The following ARHGAP42 variants were observed in gnomAD, a reference collection of about 807,000 sequenced individuals.
The protein encoded by ARHGAP42 is Rho GTPase activating protein 42.
A neutral mutation model predicts 125.0 loss-of-function variants in ARHGAP42; 63 were observed. That is an observed-to-expected ratio of 0.50 (90% CI 0.41 to 0.62). The LOEUF is 0.62. Among genes scored for constraint, ARHGAP42 ranks in the 20% least tolerant of loss-of-function variants. The probability of loss-of-function intolerance (pLI) is 0.00; values close to 1 mark genes in which losing one functional copy is unlikely to be tolerated. For missense variants in ARHGAP42, 766 were observed against 1,024.2 expected (o/e 0.75, Z 3.44); for synonymous variants, 339 against 351.0 (o/e 0.97, Z 0.38).
At chr11:100,698,831 G>A (rs558479811) in intron 1 of ARHGAP42, among the ~76,000 whole-genome samples, 36 of 152,216 alleles carry the variant, frequency 2.4e-4, no homozygotes, top group African/African-American at 8.7e-4. Context: ...CGGGAGATTT[G>A]GGAAAGCTGT....
intron 1 of ARHGAP42, among the ~76,000 whole-genome samples, chr11:100,699,714 G>C (rs1287990503): frequency 1.3e-5 from 2 of 151,152 alleles, no homozygotes; most frequent in Non-Finnish European, 2.9e-5. Context: ...GTACATATGG[G>C]GTTTCACCAT....
At chr11:100,965,899 T>G in intron 17 of ARHGAP42, 123 bp downstream of exon 17, 1 of 882,120 alleles carries the variant, frequency 1.1e-6, no homozygotes, top group South Asian at 1.8e-5. Context: ...TTGAATTTGC[T>G]TAAAAAATAG....
intron 1 of ARHGAP42, among the ~76,000 whole-genome samples, chr11:100,697,859 C>A (rs182994776): frequency 6.6e-6 from 1 of 152,108 alleles, no homozygotes; most frequent in Non-Finnish European, 1.5e-5. Flanking sequence ...AAGATAGGGG[C>A]CAAACGGTGG....
At chr11:100,828,719 GCT>G (rs200856471) in intron 3 of ARHGAP42, among the ~76,000 whole-genome samples, 3,778 of 148,300 alleles carry the variant, frequency 0.025, 73 homozygotes, top group Non-Finnish European at 0.039. Flanking sequence ...ACAGGGTCTT[GCT>G]CTCTCACCCA....
intron 22 of ARHGAP42, among the ~76,000 whole-genome samples, chr11:100,980,636 T>G (rs1394340619): frequency 7.2e-6 from 1 of 139,038 alleles, no homozygotes; most frequent in East Asian, 2.4e-4. Flanking sequence ...AGTGGTGCGA[T>G]CTTGGCTCAC....
chr11:100,927,035 T>C (rs1391784554), intron 6 of ARHGAP42, among the ~76,000 whole-genome samples: 1 of 152,202 alleles, frequency 6.6e-6, no homozygotes, highest in African/African-American at 2.4e-5. Context: ...AATATAGTGC[T>C]TTTGATGCTC....
intron 3 of ARHGAP42, among the ~76,000 whole-genome samples, chr11:100,818,215 C>A (rs1864315185): frequency 6.6e-6 from 1 of 151,960 alleles, no homozygotes; most frequent in African/African-American, 2.4e-5. Context: ...TTTGCCTGGA[C>A]CAGCATGTAT....
chr11:100,961,184 T>A (rs1309836206), intron 14 of ARHGAP42, among the ~76,000 whole-genome samples, 195 bp downstream of exon 14: 3 of 151,988 alleles, frequency 2.0e-5, no homozygotes, highest in African/African-American at 7.2e-5. Context: ...TAATACTGTA[T>A]TTTTTTTCCC....
chr11:100,830,498 G>A (rs1231110027), intron 3 of ARHGAP42, among the ~76,000 whole-genome samples: 2 of 152,138 alleles, frequency 1.3e-5, no homozygotes, highest in Non-Finnish European at 2.9e-5. Flanking sequence ...CCTCGCCTGA[G>A]TGCTTGTTAG....
At chr11:100,966,327 G>A (rs886396946) in intron 17 of ARHGAP42, among the ~76,000 whole-genome samples, 1 of 152,084 alleles carries the variant, frequency 6.6e-6, no homozygotes, top group African/African-American at 2.4e-5. Context: ...TAGTGTGTGT[G>A]TACATATATT....
rs1294832580 is a variant in ARHGAP42, at chr11:100,989,469, T to G, written c.*668T>G. 8.8e-5 allele frequency: 19 copies of G among 215,040 alleles called. No homozygotes were observed. The highest frequency in any genetic ancestry group is 1.2e-4 in the Non-Finnish European group (13 of 109,792). The allele number at this position is 215,040 out of a possible 1,614,324, so 13.3% of individuals were successfully genotyped here. A position where few individuals can be genotyped will look rare whatever the true frequency, so the allele number is the denominator to read the frequency against. On this transcript the variant is annotated 3_prime_UTR_variant, in exon 24 of 24. Coordinates refer to ENST00000298815, the MANE Select transcript of ARHGAP42 (RefSeq NM_152432.4). The stretch of plus-strand genomic sequence containing the variant: ...AGAATTCCAGACACCTTCAGCAAAC[T>G]TTTTCTGTAAAGGCCTGATAGCAAA...
intron 5 of ARHGAP42, 150 bp downstream of exon 5, chr11:100,913,703 T>C (rs1307810171): frequency 5.8e-6 from 2 of 344,318 alleles, no homozygotes; most frequent in Non-Finnish European, 1.1e-5. Flanking sequence ...CTATGGGCGA[T>C]ACTTTAAACA....
intron 1 of ARHGAP42, among the ~76,000 whole-genome samples, chr11:100,720,908 C>T (rs944663440): frequency 6.6e-6 from 1 of 151,680 alleles, no homozygotes; most frequent in Non-Finnish European, 1.5e-5. Flanking sequence ...ATATGGTGAA[C>T]TTCCATTTAC....
At chr11:100,923,375 T>C (rs1867333468) in intron 6 of ARHGAP42, among the ~76,000 whole-genome samples, 1 of 152,210 alleles carries the variant, frequency 6.6e-6, no homozygotes, top group South Asian at 2.1e-4. Flanking sequence ...GCTGATCTGC[T>C]GTGCTGTTGT....
intron 1 of ARHGAP42, among the ~76,000 whole-genome samples, chr11:100,751,277 G>GTTTTTTTTTTCTTTTTT (rs756243174): frequency 8.2e-6 from 1 of 121,624 alleles, no homozygotes; most frequent in African/African-American, 3.4e-5. Context: ...GTGTGTGTGT[G>GTTTTTTTTTTCTTTTTT]TGTTTTTTTT....
intron 3 of ARHGAP42, among the ~76,000 whole-genome samples, chr11:100,827,695 G>A (rs542087879): frequency 2.0e-5 from 3 of 152,332 alleles, no homozygotes; most frequent in East Asian, 1.9e-4. Flanking sequence ...TCATAGTTGT[G>A]GAGGCCTACT....
At chr11:100,842,365 T>C (rs1479390544) in intron 3 of ARHGAP42, among the ~76,000 whole-genome samples, 1 of 152,176 alleles carries the variant, frequency 6.6e-6, no homozygotes, top group Non-Finnish European at 1.5e-5. Flanking sequence ...TGCAAATAGA[T>C]ATAGCAGCAA....
At chr11:100,746,052 G>A (rs1164363933) in intron 1 of ARHGAP42, among the ~76,000 whole-genome samples, 1 of 152,190 alleles carries the variant, frequency 6.6e-6, no homozygotes, top group African/African-American at 2.4e-5. Context: ...ATGCCAGGGT[G>A]AAAGGGATAG....
chr11:100,971,025 C>T (rs1252380750), intron 17 of ARHGAP42, among the ~76,000 whole-genome samples: 1 of 152,102 alleles, frequency 6.6e-6, no homozygotes, highest in Non-Finnish European at 1.5e-5. Context: ...AGAGAGGGAG[C>T]CCTGTCTTCT....
Sources: allele counts gnomAD v4.1 joint callset (sites outside exome capture counted in the v4.1 genomes callset), GRCh38; gene constraint gnomAD v4.1.1; transcripts MANE v1.5; gene names NCBI Gene and HGNC (gene_info 2026-07-23, HGNC 2026-07-21).